The following LARP4B variants were observed in gnomAD, a reference collection of about 807,000 sequenced individuals.
LARP4B encodes la-related protein 4B.
In LARP4B, 12 loss-of-function variants were observed where a neutral mutation model predicts 89.8. The ratio of observed to expected loss-of-function variants is 0.13; its 90% CI spans 0.09 to 0.22. LARP4B has a LOEUF of 0.22. Among genes scored for constraint, LARP4B ranks in the 10% least tolerant of loss-of-function variants. The pLI, the probability that LARP4B is intolerant of heterozygous loss-of-function variation, is 1.00. For synonymous variants in LARP4B, 367 were observed against 363.3 expected (o/e 1.01, Z -0.12); for missense variants, 757 against 947.7 (o/e 0.80, Z 2.64).
At chr10:905,244 C>A (rs1432440865) in intron 1 of LARP4B, among the ~76,000 whole-genome samples, 4 of 152,160 alleles carry the variant, frequency 2.6e-5, no homozygotes, top group African/African-American at 9.7e-5. Context: ...ATTATCTGAA[C>A]CTGCAAATTA....
At chr10:937,660 C>G in the LARP4B span, among the ~76,000 whole-genome samples, 1 of 152,098 alleles carries the variant, frequency 6.6e-6, no homozygotes, top group East Asian at 1.9e-4. Flanking sequence ...AAACTTATCA[C>G]GAGGAACAAT....
intron 3 of LARP4B, among the ~76,000 whole-genome samples, chr10:865,059 A>G (rs1289392903): frequency 1.3e-5 from 2 of 152,256 alleles, no homozygotes; most frequent in East Asian, 3.8e-4. Context: ...TGTCAGGGAT[A>G]CTACAGGATA....
At position 900,420 on chromosome 10, in the gene LARP4B, C is replaced by CTTTTTTTTTTTTTTTTTTT. The variant is rs529963345; in HGVS notation, c.-39-14679_-39-14661dup. Among the ~76,000 whole-genome samples, 2 of 45,230 alleles carry CTTTTTTTTTTTTTTTTTTT rather than the reference C, an allele frequency of 4.4e-5. 1 individual carries two copies. The highest frequency in any genetic ancestry group is 7.6e-5 in the Non-Finnish European group (2 of 26,164). 29.7% of individuals were successfully genotyped at this position (45,230 alleles called of 152,430 possible). A position where few individuals can be genotyped will look rare whatever the true frequency, so the allele number is the denominator to read the frequency against. ...ATTCTAGGATCGGAAAGAAGGATGT[C>CTTTTTTTTTTTTTTTTTTT]TTTTTTTTTTTTTTTTTTTTTTTTT... On this transcript the variant is annotated intron_variant, in intron 1 of 17. Transcript: ENST00000316157.
intron 1 of LARP4B, among the ~76,000 whole-genome samples, chr10:891,113 T>A (rs1413404437): frequency 6.6e-6 from 1 of 150,674 alleles, no homozygotes; most frequent in Non-Finnish European, 1.5e-5. Context: ...CTGACGGAAA[T>A]ACCAACAATA....
At chr10:927,085 T>C (rs1226837228) in intron 1 of LARP4B, among the ~76,000 whole-genome samples, 1 of 151,980 alleles carries the variant, frequency 6.6e-6, no homozygotes, top group East Asian at 1.9e-4. Context: ...ACTTTCAATA[T>C]TGCAATGTAC....
At chr10:929,877 T>C (rs1837252422) in intron 1 of LARP4B, among the ~76,000 whole-genome samples, 2 of 152,184 alleles carry the variant, frequency 1.3e-5, no homozygotes, top group African/African-American at 4.8e-5. Flanking sequence ...AAATTTATGA[T>C]TAAATAATAA....
chr10:896,987 A>G (rs1161237252), intron 1 of LARP4B, among the ~76,000 whole-genome samples: 1 of 141,390 alleles, frequency 7.1e-6, no homozygotes, highest in Non-Finnish European at 1.5e-5. Flanking sequence ...TTTGTGGGAG[A>G]ATTTTTTTTT....
the LARP4B span, chr10:988,318 G>A: frequency 1.6e-6 from 1 of 634,830 alleles, no homozygotes; most frequent in East Asian, 2.9e-5. Flanking sequence ...AAGCCGGGCG[G>A]GTGCGCTGTG....
At chr10:832,772 G>A (rs897742477) in intron 8 of LARP4B, among the ~76,000 whole-genome samples, 15 of 151,976 alleles carry the variant, frequency 9.9e-5, no homozygotes, top group African/African-American at 2.9e-4. Context: ...ACATACTAAA[G>A]CTGAAAAAAA....
intron 1 of LARP4B, among the ~76,000 whole-genome samples, chr10:904,118 C>T (rs1836421049): frequency 6.6e-6 from 1 of 152,118 alleles, no homozygotes; most frequent in African/African-American, 2.4e-5. Flanking sequence ...TTTCTTCTCA[C>T]CTACGAAAAT....
At chr10:972,834 C>T in the LARP4B span, 3 of 456,800 alleles carry the variant, frequency 6.6e-6, no homozygotes, top group East Asian at 1.4e-4. Context: ...CACATGCTGC[C>T]CAGCAGGTCT....
intron 7 of LARP4B, among the ~76,000 whole-genome samples, chr10:840,703 A>G (rs1833480859): frequency 6.6e-6 from 1 of 152,222 alleles, no homozygotes; most frequent in African/African-American, 2.4e-5. Context: ...TAATCTGGAA[A>G]TGTAACTTAT....
At chr10:967,988 C>T in the LARP4B span, among the ~76,000 whole-genome samples, 1 of 152,208 alleles carries the variant, frequency 6.6e-6, no homozygotes, top group Non-Finnish European at 1.5e-5. Flanking sequence ...AGGCAGGAGC[C>T]ACCGCGCCCG....
intron 8 of LARP4B, among the ~76,000 whole-genome samples, chr10:833,615 G>A (rs180983608): frequency 7.3e-4 from 111 of 152,294 alleles, no homozygotes; most frequent in African/African-American, 2.4e-3. Context: ...AATTGGGCCC[G>A]GTGCGGTGGC....
At position 814,422 on chromosome 10, in the gene LARP4B, C is replaced by T; in HGVS notation, c.1929+320G>A. ...GCGCGCACGCACGCAAACATACACA[C>T]ACGCGCGAAATGCTGAAATGATCCT... On this transcript the variant is annotated intron_variant, in intron 17 of 17. Transcript: ENST00000316157. This position sits in a 1 kb window ranked among gnomAD's most constrained non-coding sequence, Gnocchi z 4.4. The T allele has an allele frequency of 2.5e-6, 1 of 407,738 alleles. No homozygotes were observed. Among genetic ancestry groups the T allele is most frequent in the South Asian group, 2.1e-5 (1 of 47,138 alleles). 25.3% of individuals were successfully genotyped at this position (407,738 alleles called of 1,614,324 possible).
chr10:851,081 C>T (rs1345002256), intron 5 of LARP4B, among the ~76,000 whole-genome samples: 1 of 148,618 alleles, frequency 6.7e-6, no homozygotes, highest in Non-Finnish European at 1.5e-5. Flanking sequence ...AAATTAAACC[C>T]AAAGAAATCG....
intron 11 of LARP4B, among the ~76,000 whole-genome samples, chr10:827,697 A>G (rs1442534710): frequency 6.6e-6 from 1 of 152,194 alleles, no homozygotes; most frequent in African/African-American, 2.4e-5. Context: ...AGGGTCAACC[A>G]TGATTAAAGA....
chr10:817,042 C>T (rs1463435241), intron 15 of LARP4B, among the ~76,000 whole-genome samples: 1 of 152,202 alleles, frequency 6.6e-6, no homozygotes, highest in Non-Finnish European at 1.5e-5. Flanking sequence ...CTGGAGTGCT[C>T]AGCAGGTTCT....
At chr10:955,903 C>T in the LARP4B span, among the ~76,000 whole-genome samples, 3 of 152,144 alleles carry the variant, frequency 2.0e-5, no homozygotes, top group East Asian at 1.9e-4. The surrounding 1 kb of genome is among the most constrained non-coding windows in gnomAD (Gnocchi z 5.2). Context: ...CCACCTGAGG[C>T]GACTGTTTCC....
Sources: allele counts gnomAD v4.1 joint callset (sites outside exome capture counted in the v4.1 genomes callset), GRCh38; gene constraint gnomAD v4.1.1; non-coding constraint Gnocchi (gnomAD v3.1); transcripts MANE v1.5; gene names NCBI Gene and HGNC (gene_info 2026-07-23, HGNC 2026-07-21).